The following TRANK1 variants were observed in gnomAD, a reference collection of about 807,000 sequenced individuals.
TRANK1 encodes the protein TPR and ankyrin repeat-containing protein 1.
In TRANK1, 198 loss-of-function variants were observed where a neutral mutation model predicts 266.0. That is an observed-to-expected ratio of 0.74 (90% CI 0.66 to 0.84). The LOEUF is 0.84. TRANK1 is among the 40% of genes least tolerant of loss of function. The pLI is 0.00. For synonymous variants in TRANK1, 1,396 were observed against 1,384.1 expected (o/e 1.01, Z -0.19); for missense variants, 3,326 against 3,634.6 (o/e 0.92, Z 2.18).
At position 36,857,167 on chromosome 3, in the gene TRANK1, G is replaced by GACCT; in HGVS notation, c.2554_2555insAGGT (p.Thr852LysfsTer42). ...GATGATTTTCTTCTTGATGACCTTG[G>GACCT]TCATTACCTTACTAGACAGCTTCTT... On this transcript the variant is annotated frameshift_variant, in exon 13 of 24. Coordinates refer to ENST00000645898, the MANE Select transcript of TRANK1 (RefSeq NM_001329998.2). LOFTEE classifies it high-confidence loss of function. The surrounding 1 kb of genome is among the most constrained non-coding windows in gnomAD (Gnocchi z 4.3). 1 of 1,613,912 alleles carries GACCT rather than the reference G, an allele frequency of 6.2e-7. No homozygotes were observed. Among genetic ancestry groups the GACCT allele is most frequent in the Admixed American group, 1.7e-5 (1 of 60,030 alleles).
At position 36,906,115 on chromosome 3, in the gene TRANK1, G is replaced by A. The variant is rs559135407; in HGVS notation, c.155+2208C>T. ...AGAAAGCTGAATGTTTGCCTTGATC[G>A]AGGATCTCTAGACCCAGCTCTGACA... On this transcript the variant is annotated intron_variant, in intron 2 of 23. Coordinates refer to ENST00000645898, the MANE Select transcript of TRANK1 (RefSeq NM_001329998.2). 3.3e-4 allele frequency among the ~76,000 whole-genome samples: 51 copies of A among 152,272 alleles called. No individual in the cohort carries two copies. In the Middle Eastern group the frequency reaches 0.01, roughly 30 times the overall value.
intron 4 of TRANK1, among the ~76,000 whole-genome samples, chr3:36,896,898 GC>G (rs1440760972): frequency 2.6e-5 from 4 of 152,226 alleles, no homozygotes. Context: ...GGAGGCTGAG[GC>G]AGGAGAATCG....
At chr3:36,902,176 T>C (rs1015299205) in intron 3 of TRANK1, among the ~76,000 whole-genome samples, 1 of 152,232 alleles carries the variant, frequency 6.6e-6, no homozygotes, top group East Asian at 1.9e-4. Context: ...GAATTTGTGT[T>C]GGGCCACATT....
chr3:36,842,936 G>C (rs2125522516), intron 17 of TRANK1, among the ~76,000 whole-genome samples: 1 of 152,260 alleles, frequency 6.6e-6, no homozygotes, highest in Non-Finnish European at 1.5e-5. Context: ...AATCTCACTG[G>C]TGTCCTTAGA....
chr3:36,925,519 G>A (rs2080275639), intron 1 of TRANK1, among the ~76,000 whole-genome samples: 1 of 151,590 alleles, frequency 6.6e-6, no homozygotes, highest in South Asian at 2.1e-4. Flanking sequence ...AAGAAGTTTT[G>A]TTAAACAAAG....
At chr3:36,935,070 C>T (rs1164667637) in intron 1 of TRANK1, among the ~76,000 whole-genome samples, 2 of 152,176 alleles carry the variant, frequency 1.3e-5, no homozygotes, top group African/African-American at 4.8e-5. Context: ...AAAAAGACCC[C>T]AAGATCACCC....
At chr3:36,883,419 T>C (rs562179310) in intron 8 of TRANK1, among the ~76,000 whole-genome samples, 3 of 138,134 alleles carry the variant, frequency 2.2e-5, no homozygotes, top group Admixed American at 7.9e-5. Flanking sequence ...CATTCCAGAC[T>C]GGGTGATAGA....
chr3:36,909,873 G>A (rs1018002432), intron 1 of TRANK1, among the ~76,000 whole-genome samples: 13 of 152,128 alleles, frequency 8.5e-5, no homozygotes, highest in Admixed American at 7.2e-4. Context: ...TAAATTATAT[G>A]ACTACTATTT....
At chr3:36,866,567 TGA>T (rs1413811122) in intron 9 of TRANK1, among the ~76,000 whole-genome samples, 1 of 152,198 alleles carries the variant, frequency 6.6e-6, no homozygotes. Context: ...CTCTGGAGTG[TGA>T]GTCACACTTC....
chr3:36,940,614 G>C (rs900993913), intron 1 of TRANK1, among the ~76,000 whole-genome samples: 9 of 152,062 alleles, frequency 5.9e-5, no homozygotes, highest in Non-Finnish European at 1.3e-4. Flanking sequence ...GCTCAAAACT[G>C]ACCTCCCATA....
chr3:36,846,395 C>G lies in TRANK1; in HGVS notation c.5044G>C (p.Gly1682Arg). Reference protein sequence around the residue: ...VNPEMYKLLNGELKQLYTAIT... With the variant: ...VNPEMYKLLNRELKQLYTAIT... Reference sequence around the variant, plus strand: ...GCGGTGTACAGCTGCTTCAGCTCTCCGTTGAGGAGCTAAAGATAACATTGA... The same window carrying G: ...GCGGTGTACAGCTGCTTCAGCTCTCGGTTGAGGAGCTAAAGATAACATTGA... Residue 1682 changes from glycine to arginine, a missense_variant, in exon 17 of 24, where the codon GGA (glycine) becomes CGA (arginine). Transcript: ENST00000645898. 3.1e-6 allele frequency: 5 copies of G among 1,612,008 alleles called. No individual in the cohort carries two copies. The highest frequency in any genetic ancestry group is 4.2e-6 in the Non-Finnish European group (5 of 1,178,894).
Position 36,858,711 on chromosome 3 carries a change from G to T in TRANK1, c.1672+7C>A. 3 of 1,502,614 alleles carry T rather than the reference G, an allele frequency of 2.0e-6. No individual in the cohort carries two copies. Among genetic ancestry groups the T allele is most frequent in the Non-Finnish European group, 2.7e-6 (3 of 1,128,672 alleles). The allele number at this position is 1,502,614 out of a possible 1,614,324, so 93.1% of individuals were successfully genotyped here. A position where few individuals can be genotyped will look rare whatever the true frequency, so the allele number is the denominator to read the frequency against. The stretch of plus-strand genomic sequence containing the variant: ...AGGAGACGGCTGCTTAAAAAACAAG[G>T]GCTTACCTTTAATCTCTAGAAAGAT... On this transcript the variant is annotated splice_region_variant and intron_variant, in intron 12 of 23. Transcript: ENST00000645898.
chr3:36,836,595 A>G (rs9811916), intron 20 of TRANK1, among the ~76,000 whole-genome samples: 56,615 of 152,126 alleles, frequency 0.37, 11,065 homozygotes, highest in African/African-American at 0.46. Context: ...TGAGAATGGA[A>G]ACTGGTTGTG....
At chr3:36,912,377 G>A (rs2125636560) in intron 1 of TRANK1, among the ~76,000 whole-genome samples, 1 of 152,254 alleles carries the variant, frequency 6.6e-6, no homozygotes, top group Non-Finnish European at 1.5e-5. Context: ...CAAGACAGAG[G>A]CTAAAAGATC....
intron 1 of TRANK1, among the ~76,000 whole-genome samples, chr3:36,928,392 A>G (rs995200169): frequency 2.0e-5 from 3 of 152,180 alleles, no homozygotes; most frequent in Non-Finnish European, 4.4e-5. Flanking sequence ...TTCCCTTGAT[A>G]TTCATATTAG....
chr3:36,945,413 A>G (rs891531915), upstream of TRANK1, among the ~76,000 whole-genome samples: 1 of 152,124 alleles, frequency 6.6e-6, no homozygotes, highest in Non-Finnish European at 1.5e-5. Context: ...CAAGCCCCCT[A>G]GCTCCTACAG....
intron 8 of TRANK1, among the ~76,000 whole-genome samples, chr3:36,882,780 G>A (rs932228926): frequency 6.6e-6 from 1 of 151,930 alleles, no homozygotes; most frequent in East Asian, 1.9e-4. Flanking sequence ...TAAAAATTGA[G>A]GACAAAGGAC....
chr3:36,831,803 A>T lies in TRANK1; in HGVS notation c.7780T>A (p.Ser2594Thr). Reference sequence around the variant, plus strand: ...TCCATGCTCATGAGCTGCAGCCTTGACTCAATCTCCCGGAAGTGGCGATAC... The same window carrying T: ...TCCATGCTCATGAGCTGCAGCCTTGTCTCAATCTCCCGGAAGTGGCGATAC... Reference protein sequence around the residue: ...LLYRHFREIESRLQLMSMDCP... With the variant: ...LLYRHFREIETRLQLMSMDCP... Residue 2594 changes from serine (S) to threonine (T), a missense_variant, in exon 22 of 24, where the codon TCA becomes ACA. By Grantham distance (58) the Ser-to-Thr change is moderately conservative. Transcript: ENST00000645898. The surrounding 1 kb of genome is among the most constrained non-coding windows in gnomAD (Gnocchi z 5.0). The T allele has an allele frequency of 6.2e-7, 1 of 1,613,750 alleles. No individual in the cohort carries two copies. Among genetic ancestry groups the T allele is most frequent in the Non-Finnish European group, 8.5e-7 (1 of 1,179,850 alleles).
chr3:36,924,918 C>T (rs1461737330), intron 1 of TRANK1, among the ~76,000 whole-genome samples: 1 of 152,172 alleles, frequency 6.6e-6, no homozygotes, highest in Non-Finnish European at 1.5e-5. Flanking sequence ...TCTGCTCCTG[C>T]TAAAAACAGC....
Sources: gnomAD v4.1 joint callset for allele counts (sites outside exome capture counted in the v4.1 genomes callset) on GRCh38, gnomAD v4.1.1 for gene constraint, Gnocchi (gnomAD v3.1) non-coding constraint, MANE v1.5 for transcripts, NCBI Gene and HGNC (gene_info 2026-07-23, HGNC 2026-07-21) for gene names.